FHIT: variants seen among roughly 807,000 people sequenced by gnomAD.
FHIT encodes bis(5'-adenosyl)-triphosphatase.
In FHIT, 19 loss-of-function variants were observed where a neutral mutation model predicts 17.9. That is an observed-to-expected ratio of 1.06 (90% CI 0.74 to 1.56). FHIT has a LOEUF of 1.56. Among genes scored for constraint, FHIT ranks in the 40% most tolerant of loss-of-function variants. FHIT has a pLI of 0.00. For synonymous variants in FHIT, 81 were observed against 69.7 expected (o/e 1.16, Z -0.81); for missense variants, 248 against 189.2 (o/e 1.31, Z -1.82).
intron 4 of FHIT, among the ~76,000 whole-genome samples, chr3:60,756,881 A>G (rs1276539825): frequency 6.6e-6 from 1 of 152,198 alleles, no homozygotes; most frequent in African/African-American, 2.4e-5. Flanking sequence ...CTAACTTCCA[A>G]TAAGTCACCC....
In FHIT at chr3:60,808,266, G is replaced by C. The variant is rs140986114; in HGVS notation, c.-18+13653C>G. Among the ~76,000 whole-genome samples the C allele has an allele frequency of 6.5e-3, 989 of 151,894 alleles. 6 individuals are homozygous for C. Among genetic ancestry groups the C allele is most frequent in the African/African-American group, 0.023 (951 of 41,400 alleles). ...ATTGATTTTTTTCTTTTACACTTTT[G>C]TTTTTTTTAAAAGGAGGAAAAGTGA... On this transcript the variant is annotated intron_variant, in intron 4 of 9. Coordinates refer to ENST00000492590, the MANE Select transcript of FHIT (RefSeq NM_002012.4).
chr3:60,005,170 C>G (rs1456633471), intron 7 of FHIT, among the ~76,000 whole-genome samples: 2 of 152,152 alleles, frequency 1.3e-5, no homozygotes, highest in Non-Finnish European at 2.9e-5. Flanking sequence ...TCTCTTTCAC[C>G]TTAGCTGCCT....
At chr3:60,789,203 G>C (rs927532465) in intron 4 of FHIT, among the ~76,000 whole-genome samples, 4 of 150,276 alleles carry the variant, frequency 2.7e-5, no homozygotes, top group Non-Finnish European at 5.9e-5. Flanking sequence ...GAGAGAGACA[G>C]AGGAGAGAGA....
At chr3:60,428,357 G>T (rs1051619249) in intron 5 of FHIT, among the ~76,000 whole-genome samples, 33 of 152,090 alleles carry the variant, frequency 2.2e-4, no homozygotes, top group African/African-American at 8.0e-4. Context: ...CGTGGCAATA[G>T]GACCCATTTC....
At chr3:60,492,496 A>G (rs547901084) in intron 5 of FHIT, among the ~76,000 whole-genome samples, 41 of 151,944 alleles carry the variant, frequency 2.7e-4, no homozygotes, top group Non-Finnish European at 5.0e-4. Flanking sequence ...CTATTAAAGA[A>G]TGAAAGATGG....
intron 5 of FHIT, among the ~76,000 whole-genome samples, chr3:60,259,113 A>T (rs1362370516): frequency 2.6e-5 from 4 of 151,914 alleles, no homozygotes; most frequent in Non-Finnish European, 1.5e-5. Context: ...ACCTGTCCCC[A>T]TTTAAAATGA....
At chr3:60,662,937 A>AT (rs1273718933) in intron 4 of FHIT, among the ~76,000 whole-genome samples, 5 of 151,132 alleles carry the variant, frequency 3.3e-5, no homozygotes, top group East Asian at 2.0e-4. Context: ...ATCAATGTTC[A>AT]TTTTTTTTCC....
intron 5 of FHIT, among the ~76,000 whole-genome samples, chr3:60,472,435 C>T (rs1470353746): frequency 6.9e-6 from 1 of 144,954 alleles, no homozygotes; most frequent in Non-Finnish European, 1.5e-5. Context: ...GTGGCGTGAT[C>T]TCGGCTCACT....
At chr3:61,200,171 C>A (rs942864822) in intron 2 of FHIT, among the ~76,000 whole-genome samples, 1 of 152,260 alleles carries the variant, frequency 6.6e-6, no homozygotes, top group East Asian at 1.9e-4. Flanking sequence ...ACAAAACTGG[C>A]TCTTCCATGC....
intron 4 of FHIT, among the ~76,000 whole-genome samples, chr3:60,789,009 C>A (rs1256010593): frequency 6.6e-6 from 1 of 150,868 alleles, no homozygotes. Flanking sequence ...GAAACACTGG[C>A]TAAAGACATT....
At chr3:60,364,875 T>C (rs554243009) in intron 5 of FHIT, among the ~76,000 whole-genome samples, 46 of 152,256 alleles carry the variant, frequency 3.0e-4, no homozygotes, top group South Asian at 1.5e-3. Context: ...CACCTTCTCC[T>C]GCTTTTGGAC....
chr3:60,387,848 G>C (rs927192937), intron 5 of FHIT, among the ~76,000 whole-genome samples: 1 of 152,146 alleles, frequency 6.6e-6, no homozygotes, highest in Non-Finnish European at 1.5e-5. Flanking sequence ...TGGAGTTAAG[G>C]CTCGATGACA....
intron 8 of FHIT, among the ~76,000 whole-genome samples, chr3:59,776,145 G>A (rs1702302198): frequency 6.6e-6 from 1 of 152,236 alleles, no homozygotes; most frequent in South Asian, 2.1e-4. Flanking sequence ...CTGGCAGCAT[G>A]GGCTGGAAGC....
At chr3:60,308,871 AT>A (rs1457776209) in intron 5 of FHIT, among the ~76,000 whole-genome samples, 1 of 152,198 alleles carries the variant, frequency 6.6e-6, no homozygotes, top group Non-Finnish European at 1.5e-5. Context: ...AACAGAGAGT[AT>A]TTAATCACTA....
At chr3:60,998,977 AATAAGGAG>A (rs1270385989) in intron 3 of FHIT, among the ~76,000 whole-genome samples, 1 of 152,050 alleles carries the variant, frequency 6.6e-6, no homozygotes, top group Non-Finnish European at 1.5e-5. Flanking sequence ...GTGGGAAATA[AATAAGGAG>A]ATACGTGAAA....
chr3:60,181,727 C>A (rs913937233), intron 5 of FHIT, among the ~76,000 whole-genome samples: 12 of 152,170 alleles, frequency 7.9e-5, no homozygotes, highest in Admixed American at 4.6e-4. Flanking sequence ...CAATGCATTT[C>A]TTTTGCATTT....
chr3:60,850,330 TC>T (rs1703105602), intron 3 of FHIT, among the ~76,000 whole-genome samples: 1 of 77,848 alleles, frequency 1.3e-5, no homozygotes, highest in African/African-American at 8.2e-5. Flanking sequence ...CACTTCTCTC[TC>T]TCTCTCTCTC....
At chr3:60,019,718 G>A (rs938714827) in intron 5 of FHIT, among the ~76,000 whole-genome samples, 1 of 152,062 alleles carries the variant, frequency 6.6e-6, no homozygotes, top group African/African-American at 2.4e-5. Flanking sequence ...GTGCCCAGCC[G>A]AGATGGATCT....
intron 5 of FHIT, among the ~76,000 whole-genome samples, chr3:60,381,926 C>T (rs1211351891): frequency 6.6e-6 from 1 of 151,884 alleles, no homozygotes; most frequent in Admixed American, 6.6e-5. Flanking sequence ...CTGTGCTGTC[C>T]AATATGGTAG....
Sources: allele counts gnomAD v4.1 joint callset (sites outside exome capture counted in the v4.1 genomes callset), GRCh38; gene constraint gnomAD v4.1.1; transcripts MANE v1.5; gene names NCBI Gene and HGNC (gene_info 2026-07-23, HGNC 2026-07-21).